The following NSG2 variants were observed in gnomAD, a reference collection of about 807,000 sequenced individuals.
The protein encoded by NSG2 is neuronal vesicle trafficking-associated protein 2.
Under a neutral mutation model 16.9 loss-of-function variants are expected in NSG2, and 4 were observed. That is an observed-to-expected ratio of 0.24 (90% CI 0.12 to 0.54). The LOEUF (loss-of-function observed/expected upper bound fraction) is 0.54, where lower values mean the gene tolerates loss of function less well. NSG2 is among the 20% of genes least tolerant of loss of function. The pLI is 0.95. For synonymous variants in NSG2, 98 were observed against 88.7 expected (o/e 1.11, Z -0.59); for missense variants, 179 against 221.1 (o/e 0.81, Z 1.21).
intron 3 of NSG2, among the ~76,000 whole-genome samples, chr5:174,090,364 C>T (rs142692473): frequency 1.6e-4 from 24 of 152,204 alleles, no homozygotes; most frequent in African/African-American, 5.5e-4. Flanking sequence ...TGGGCAACGT[C>T]CGCCAGGGAA....
intron 4 of NSG2, among the ~76,000 whole-genome samples, chr5:174,106,148 A>G (rs571707312): frequency 4.6e-5 from 7 of 152,194 alleles, no homozygotes; most frequent in Non-Finnish European, 1.0e-4. Context: ...AAAGAAATTC[A>G]GGAAGGATAC....
intron 3 of NSG2, among the ~76,000 whole-genome samples, chr5:174,083,265 C>T (rs1227179360): frequency 6.6e-6 from 1 of 152,228 alleles, no homozygotes; most frequent in Non-Finnish European, 1.5e-5. Flanking sequence ...AAGGGCTAGG[C>T]ATTCAGCTTG....
intron 3 of NSG2, among the ~76,000 whole-genome samples, chr5:174,083,055 A>G (rs564145519): frequency 2.6e-5 from 4 of 152,090 alleles, no homozygotes; most frequent in Non-Finnish European, 5.9e-5. Context: ...GGCCACTCCA[A>G]CGTCCACACC....
At chr5:174,070,041 C>T (rs1760209522) in intron 3 of NSG2, among the ~76,000 whole-genome samples, 1 of 151,894 alleles carries the variant, frequency 6.6e-6, no homozygotes, top group Admixed American at 6.6e-5. Flanking sequence ...CCATGCTCGG[C>T]TAATTTAAAA....
In NSG2 at chr5:174,046,854, T is replaced by C. The variant is rs968507710; in HGVS notation, c.99T>C (p.Val33=). ...QTVPLITPLE[V]NHLQLPAPEK... is the part of the protein sequence containing the mutation. ...TCCCTCTCATCACTCCCTTGGAGGT[T>C]AATCACTTACAGCTGCCTGCTCCAG... is the stretch of plus-strand genomic sequence containing the variant. The change falls in exon 2 of 5, where the codon GTT becomes GTC. Residue 33 remains valine, a synonymous_variant. Transcript: ENST00000303177. 11 of 1,614,158 alleles carry C rather than the reference T, an allele frequency of 6.8e-6. No individual in the cohort carries two copies. Among genetic ancestry groups the C allele is most frequent in the Non-Finnish European group, 8.5e-6 (10 of 1,180,032 alleles).
intron 3 of NSG2, among the ~76,000 whole-genome samples, chr5:174,083,510 G>A (rs1228802870): frequency 6.6e-6 from 1 of 152,210 alleles, no homozygotes. Flanking sequence ...CTGTGCTGGA[G>A]GCCCCTTTCA....
In NSG2 at chr5:174,072,213, A is replaced by G. The variant is rs1352170704; in HGVS notation, c.213+7898A>G. Among the ~76,000 whole-genome samples the G allele has an allele frequency of 1.3e-5, 2 of 152,002 alleles. No homozygotes were observed. The highest frequency in any genetic ancestry group is 4.8e-5 in the African/African-American group (2 of 41,368). On this transcript the variant is annotated intron_variant, in intron 3 of 4. Transcript: ENST00000303177. The surrounding 1 kb of genome is among the most constrained non-coding windows in gnomAD (Gnocchi z 4.0). ...TCCCTGATCCCTGGCCCCTTTCCTC[A>G]GCAGCCCCAGTCCTTTCTCCTCCCC...
intron 2 of NSG2, among the ~76,000 whole-genome samples, chr5:174,063,994 A>G (rs1760099369): frequency 6.6e-6 from 1 of 152,248 alleles, no homozygotes; most frequent in African/African-American, 2.4e-5. Flanking sequence ...CAATATGTAC[A>G]TATATAAGTC....
intron 3 of NSG2, among the ~76,000 whole-genome samples, chr5:174,084,512 C>A (rs1403737264): frequency 6.6e-6 from 1 of 152,180 alleles, no homozygotes; most frequent in Non-Finnish European, 1.5e-5. Flanking sequence ...TCTCAGCTGG[C>A]CTGATGCGAG....
At chr5:174,051,240 A>G (rs1284458220) in intron 2 of NSG2, among the ~76,000 whole-genome samples, 1 of 152,058 alleles carries the variant, frequency 6.6e-6, no homozygotes, top group Non-Finnish European at 1.5e-5. Flanking sequence ...AGGACACCCA[A>G]GTCCCCCAGT....
intron 2 of NSG2, among the ~76,000 whole-genome samples, chr5:174,058,556 G>A (rs974546345): frequency 6.6e-6 from 1 of 152,098 alleles, no homozygotes; most frequent in Non-Finnish European, 1.5e-5. Flanking sequence ...TCCCAACACT[G>A]AGAGATCAGA....
rs751934793 is a variant in NSG2 at position 174,087,350 on chromosome 5, A to T, written c.214-16878A>T. On this transcript the variant is annotated intron_variant, in intron 3 of 4. Coordinates refer to ENST00000303177, the MANE Select transcript of NSG2 (RefSeq NM_015980.5). ...GGCCTTTATGGTCACACCTGAATTC[A>T]AATCCTGGCTACTCCATTCATTAAT... Among the ~76,000 whole-genome samples, 10 of 152,164 alleles carry T rather than the reference A, an allele frequency of 6.6e-5. No individual in the cohort carries two copies. The South Asian group carries it at 8.3e-4, about 13-fold the overall frequency.
In NSG2 at chr5:174,072,441, C is replaced by G. The variant is rs964722844; in HGVS notation, c.213+8126C>G. On this transcript the variant is annotated intron_variant, in intron 3 of 4. Transcript: ENST00000303177. The surrounding 1 kb of genome is among the most constrained non-coding windows in gnomAD (Gnocchi z 4.0). Reference sequence around the variant, plus strand: ...TGGGGCCATCTCCCTATTCATCCCTCAACACCAAATGCACATGGCCTGGGC... The same window carrying G: ...TGGGGCCATCTCCCTATTCATCCCTGAACACCAAATGCACATGGCCTGGGC... Among the ~76,000 whole-genome samples, 3 of 152,254 alleles carry G rather than the reference C, an allele frequency of 2.0e-5. No individual in the cohort carries two copies. The highest frequency in any genetic ancestry group is 7.2e-5 in the African/African-American group (3 of 41,476).
In NSG2 at chr5:174,109,070, TA is replaced by T. The variant is rs1761028766; in HGVS notation, c.*1566del. The stretch of plus-strand genomic sequence containing the variant: ...TCCCTAGCAAAACCGCTGAGCGCTT[TA>T]TAATTTTGTGGTGTATTTTTGTCAG... On this transcript the variant is annotated 3_prime_UTR_variant, in exon 5 of 5. Transcript: ENST00000303177. 6.5e-6 allele frequency: 1 copy of T among 152,790 alleles called. No individual in the cohort carries two copies. The highest frequency in any genetic ancestry group is 1.5e-5 in the Non-Finnish European group (1 of 68,032). 9.5% of individuals were successfully genotyped at this position (152,790 alleles called of 1,614,324 possible).
intron 3 of NSG2, among the ~76,000 whole-genome samples, chr5:174,092,275 G>A (rs1425951749): frequency 6.6e-6 from 1 of 152,264 alleles, no homozygotes; most frequent in African/African-American, 2.4e-5. Context: ...GCAATGTTCA[G>A]AAGAGTAATT....
chr5:174,082,359 A>G (rs946927192), intron 3 of NSG2: 2 of 152,252 alleles, frequency 1.3e-5, no homozygotes, highest in Non-Finnish European at 2.9e-5. Context: ...ATTCTAAAGC[A>G]ATATCATTTA....
chr5:174,047,840 C>A (rs146093243), intron 2 of NSG2, among the ~76,000 whole-genome samples: 1 of 152,148 alleles, frequency 6.6e-6, no homozygotes, highest in Non-Finnish European at 1.5e-5. Flanking sequence ...CTTTTGTACA[C>A]GGTAAGGGAG....
intron 4 of NSG2, among the ~76,000 whole-genome samples, chr5:174,106,675 A>G (rs1760986961): frequency 7.1e-6 from 1 of 141,150 alleles, no homozygotes; most frequent in East Asian, 2.0e-4. Flanking sequence ...GCTCACTGCA[A>G]TCTCTGCCTC....
chr5:174,046,957 C>A (rs1759810775), intron 2 of NSG2, 73 bp downstream of exon 2: 2 of 1,513,846 alleles, frequency 1.3e-6, no homozygotes, highest in African/African-American at 2.8e-5. Context: ...GCAAAAAATT[C>A]CACCCCCCAA....
Sources: allele counts gnomAD v4.1 joint callset (sites outside exome capture counted in the v4.1 genomes callset), GRCh38; gene constraint gnomAD v4.1.1; non-coding constraint Gnocchi (gnomAD v3.1); transcripts MANE v1.5; gene names NCBI Gene and HGNC (gene_info 2026-07-23, HGNC 2026-07-21).